SLC25A28: variants seen among roughly 807,000 people sequenced by gnomAD.
The protein encoded by SLC25A28 is solute carrier family 25 member 28.
In SLC25A28, 10 loss-of-function variants were observed where a neutral mutation model predicts 31.9. That is an observed-to-expected ratio of 0.31 (90% CI 0.19 to 0.53). The LOEUF (loss-of-function observed/expected upper bound fraction) is 0.53, where lower values mean the gene tolerates loss of function less well. SLC25A28 is among the 20% of genes least tolerant of loss of function. SLC25A28 has a pLI of 0.95. For missense variants in SLC25A28, 256 were observed against 490.3 expected (o/e 0.52, Z 4.51); for synonymous variants, 208 against 203.6 (o/e 1.02, Z -0.19).
At chr10:99,657,624 T>C in the SLC25A28 span, among the ~76,000 whole-genome samples, 1 of 151,976 alleles carries the variant, frequency 6.6e-6, no homozygotes, top group Non-Finnish European at 1.5e-5. Context: ...AACTGGACAA[T>C]GGCTAGATCT....
At position 99,613,601 on chromosome 10, in the gene SLC25A28, T is replaced by C. The variant is rs1300414114; in HGVS notation, c.520+95A>G. On this transcript the variant is annotated intron_variant, in intron 2 of 3. Coordinates refer to ENST00000370495, the MANE Select transcript of SLC25A28 (RefSeq NM_031212.4). The surrounding 1 kb of genome is among the most constrained non-coding windows in gnomAD (Gnocchi z 4.9). ...ATCTGGCCTATCCCAGCCCAAAGCT[T>C]CAGCTCCAAACCATGCTGAGACTGG... 3 of 1,586,780 alleles carry C rather than the reference T, an allele frequency of 1.9e-6. No homozygotes were observed. The highest frequency in any genetic ancestry group is 2.7e-5 in the African/African-American group (2 of 74,442).
the SLC25A28 span, among the ~76,000 whole-genome samples, chr10:99,643,813 T>G: frequency 2.0e-5 from 3 of 152,218 alleles, no homozygotes; most frequent in Admixed American, 6.5e-5. Context: ...CTGCCTTCAT[T>G]TCATTATGTA....
the SLC25A28 span, among the ~76,000 whole-genome samples, chr10:99,648,690 T>G: frequency 6.6e-6 from 1 of 151,244 alleles, no homozygotes; most frequent in African/African-American, 2.4e-5. Flanking sequence ...TCCTAGGTTT[T>G]TTTTTTTTTT....
the SLC25A28 span, among the ~76,000 whole-genome samples, chr10:99,650,248 G>C: frequency 6.6e-6 from 1 of 152,100 alleles, no homozygotes; most frequent in Non-Finnish European, 1.5e-5. Flanking sequence ...TGCGATCACA[G>C]CTCACCACAG....
At chr10:99,616,132 T>C (rs1015300235) in intron 1 of SLC25A28, 40 of 985,268 alleles carry the variant, frequency 4.1e-5, no homozygotes, top group Non-Finnish European at 4.5e-5. Flanking sequence ...TAAGTAAGAA[T>C]TTCTGAAAAA....
the SLC25A28 span, among the ~76,000 whole-genome samples, chr10:99,654,782 T>C: frequency 2.0e-5 from 3 of 152,234 alleles, no homozygotes; most frequent in African/African-American, 7.2e-5. Flanking sequence ...TTGCCCAGGC[T>C]GGAGTGCGGT....
intron 1 of SLC25A28, chr10:99,618,674 A>C: frequency 1.0e-6 from 1 of 985,398 alleles, no homozygotes; most frequent in South Asian, 4.7e-5. Flanking sequence ...AGTCAAGTGC[A>C]TTTACCCCGT....
At chr10:99,634,915 A>G in the SLC25A28 span, among the ~76,000 whole-genome samples, 1 of 152,342 alleles carries the variant, frequency 6.6e-6, no homozygotes, top group African/African-American at 2.4e-5. Context: ...GTAACCTATA[A>G]AGGAAAACCC....
At chr10:99,629,612 A>T in the SLC25A28 span, among the ~76,000 whole-genome samples, 1 of 152,388 alleles carries the variant, frequency 6.6e-6, no homozygotes, top group Non-Finnish European at 1.5e-5. Context: ...GAACTGATAC[A>T]TGCTATAATG....
At chr10:99,631,842 A>G in the SLC25A28 span, among the ~76,000 whole-genome samples, 1 of 151,924 alleles carries the variant, frequency 6.6e-6, no homozygotes, top group Non-Finnish European at 1.5e-5. Flanking sequence ...AAATAATGGG[A>G]AAAAATGCAT....
intron 1 of SLC25A28, chr10:99,617,270 T>C: frequency 1.0e-6 from 1 of 985,430 alleles, no homozygotes; most frequent in Non-Finnish European, 1.2e-6. Flanking sequence ...AGCCTCTCCA[T>C]TATAGCCATG....
chr10:99,624,971 T>C (rs962360805), upstream of SLC25A28, among the ~76,000 whole-genome samples: 1 of 152,140 alleles, frequency 6.6e-6, no homozygotes, highest in African/African-American at 2.4e-5. Context: ...TTCCTTCTGG[T>C]GGATTCTTGG....
the SLC25A28 span, among the ~76,000 whole-genome samples, chr10:99,631,795 G>A: frequency 6.6e-6 from 1 of 151,634 alleles, no homozygotes; most frequent in Non-Finnish European, 1.5e-5. Flanking sequence ...CTGTATCCAT[G>A]GGTTCTGCAT....
At chr10:99,646,030 G>A in the SLC25A28 span, among the ~76,000 whole-genome samples, 1 of 152,218 alleles carries the variant, frequency 6.6e-6, no homozygotes, top group Non-Finnish European at 1.5e-5. Flanking sequence ...TGAGGAGGCA[G>A]TCTGTCCATT....
intron 1 of SLC25A28, chr10:99,618,524 G>A: frequency 1.0e-6 from 1 of 985,368 alleles, no homozygotes; most frequent in Non-Finnish European, 1.2e-6. Context: ...TCAACCTAGA[G>A]TCTATACATA....
chr10:99,642,543 A>G, the SLC25A28 span, among the ~76,000 whole-genome samples: 2 of 152,148 alleles, frequency 1.3e-5, no homozygotes, highest in South Asian at 4.2e-4. Flanking sequence ...TCTTTTCCTA[A>G]TTGAATACCC....
At chr10:99,625,841 T>C in the SLC25A28 span, among the ~76,000 whole-genome samples, 2 of 152,152 alleles carry the variant, frequency 1.3e-5, no homozygotes, top group Admixed American at 1.3e-4. Flanking sequence ...TTTTTGGCCA[T>C]GAGGACAAGG....
Position 99,613,742 on chromosome 10 carries a change from T to G in SLC25A28, c.474A>C (p.Thr158=), listed in dbSNP as rs2034585233. 1 of 1,614,084 alleles carries G rather than the reference T, an allele frequency of 6.2e-7. No individual in the cohort carries two copies. Among genetic ancestry groups the G allele is most frequent in the Non-Finnish European group, 8.5e-7 (1 of 1,180,036 alleles). The part of the protein sequence containing the change: ...YFACYEKLKK[T]LSDVIHPGGN... Reference sequence around the variant, plus strand: ...CCCCAGGGTGGATTACATCACTCAATGTCTTTTTTAACTTTTCGTAGCAGG... The same window carrying G: ...CCCCAGGGTGGATTACATCACTCAAGGTCTTTTTTAACTTTTCGTAGCAGG... The change falls in exon 2 of 4, where the codon ACA becomes ACC. Residue 158 remains threonine (T), a synonymous_variant. Coordinates refer to ENST00000370495, the MANE Select transcript of SLC25A28 (RefSeq NM_031212.4). The surrounding 1 kb of genome is among the most constrained non-coding windows in gnomAD (Gnocchi z 4.9).
chr10:99,611,493 G>T lies in SLC25A28; in HGVS notation c.578-127C>A. On this transcript the variant is annotated intron_variant, in intron 3 of 3. Coordinates refer to ENST00000370495, the MANE Select transcript of SLC25A28 (RefSeq NM_031212.4). This position sits in a 1 kb window ranked among gnomAD's most constrained non-coding sequence, Gnocchi z 5.5. ...TAGAGAGAGAAAAAAGTATGAGTGAGCTGCTGGCTAACCTGAGAAGTCAGC... is the reference window on the plus strand; with the variant it reads ...TAGAGAGAGAAAAAAGTATGAGTGATCTGCTGGCTAACCTGAGAAGTCAGC... 8.4e-7 allele frequency: 1 copy of T among 1,193,568 alleles called. No individual in the cohort carries two copies. Among genetic ancestry groups the T allele is most frequent in the Non-Finnish European group, 1.2e-6 (1 of 855,562 alleles). 73.9% of individuals were successfully genotyped at this position (1,193,568 alleles called of 1,614,324 possible). A position where few individuals can be genotyped will look rare whatever the true frequency, so the allele number is the denominator to read the frequency against.
Sources: allele counts gnomAD v4.1 joint callset (sites outside exome capture counted in the v4.1 genomes callset), GRCh38; gene constraint gnomAD v4.1.1; non-coding constraint Gnocchi (gnomAD v3.1); transcripts MANE v1.5; gene names NCBI Gene and HGNC (gene_info 2026-07-23, HGNC 2026-07-21).